Variants in KCNK10 observed in about 807,000 individuals in gnomAD.
KCNK10 encodes potassium two pore domain channel subfamily K member 10.
Under a neutral mutation model 47.7 loss-of-function variants are expected in KCNK10, and 25 were observed. The ratio of observed to expected loss-of-function variants is 0.52; its 90% CI spans 0.38 to 0.73. The LOEUF is 0.73. Among genes scored for constraint, KCNK10 ranks in the 30% least tolerant of loss-of-function variants. The pLI is 0.00. For synonymous variants in KCNK10, 303 were observed against 285.6 expected (o/e 1.06, Z -0.61); for missense variants, 563 against 714.5 (o/e 0.79, Z 2.42).
intron 4 of KCNK10, among the ~76,000 whole-genome samples, chr14:88,198,426 A>T (rs1884991864): frequency 6.6e-6 from 1 of 152,324 alleles, no homozygotes; most frequent in Admixed American, 6.5e-5. Context: ...CTCAAATTTC[A>T]GCAGCATGAT....
intron 4 of KCNK10, among the ~76,000 whole-genome samples, chr14:88,195,026 T>TAAA (rs11430813): frequency 8.1e-5 from 12 of 148,388 alleles, no homozygotes; most frequent in South Asian, 6.4e-4. Context: ...TCTAGGTATT[T>TAAA]AAAAAAAAAA....
At chr14:88,230,060 A>C (rs556721130) in intron 3 of KCNK10, among the ~76,000 whole-genome samples, 1 of 152,352 alleles carries the variant, frequency 6.6e-6, no homozygotes, top group South Asian at 2.1e-4. Flanking sequence ...AGACAAGGCT[A>C]TTAAAGTGCC....
intron 3 of KCNK10, 95 bp from the exon 4 acceptor site, chr14:88,227,630 C>T: frequency 8.4e-7 from 1 of 1,184,272 alleles, no homozygotes; most frequent in Non-Finnish European, 1.2e-6. Flanking sequence ...TACATTCCCC[C>T]ACCTTATGAG....
At chr14:88,311,167 C>A (rs1228904226) in intron 1 of KCNK10, among the ~76,000 whole-genome samples, 1 of 152,124 alleles carries the variant, frequency 6.6e-6, no homozygotes, top group Non-Finnish European at 1.5e-5. Flanking sequence ...TACAAGAATA[C>A]ACAGATACCC....
At chr14:88,236,775 T>G (rs1014877407) in intron 3 of KCNK10, among the ~76,000 whole-genome samples, 1 of 152,234 alleles carries the variant, frequency 6.6e-6, no homozygotes, top group African/African-American at 2.4e-5. Flanking sequence ...CTAAAAAATG[T>G]ATATATACTC....
rs1555360668 is a variant in KCNK10, at chr14:88,213,955, T to TTAC, written c.681+13419_681+13420insGTA. On this transcript the variant is annotated intron_variant, in intron 4 of 6. Coordinates refer to ENST00000319231, the MANE Select transcript of KCNK10 (RefSeq NM_138317.3). ...ATTATTATTATTATTATTATTATTA[T>TTAC]TGAGACAGAGTTTCACTCGTGTTGC... is the stretch of plus-strand genomic sequence containing the variant. Among the ~76,000 whole-genome samples, 434 of 144,366 alleles carry TTAC rather than the reference T, an allele frequency of 3.0e-3. 3 individuals carry two copies. The highest frequency in any genetic ancestry group is 7.3e-3 in the Middle Eastern group (2 of 274). The allele number at this position is 144,366 out of a possible 152,430, so 94.7% of individuals were successfully genotyped here.
At chr14:88,257,492 A>C (rs766478069) in intron 2 of KCNK10, among the ~76,000 whole-genome samples, 16 of 152,236 alleles carry the variant, frequency 1.1e-4, no homozygotes, top group African/African-American at 3.9e-4. Flanking sequence ...CATGCCAGCC[A>C]TTGGGATACC....
chr14:88,235,023 G>A (rs1274388347), intron 3 of KCNK10: 1 of 448,546 alleles, frequency 2.2e-6, no homozygotes, highest in African/African-American at 2.0e-5. Flanking sequence ...AGATGTCCCT[G>A]TTTTTACCAA....
intron 2 of KCNK10, 79 bp from the exon 3 acceptor site, chr14:88,240,899 C>A: frequency 1.2e-6 from 1 of 853,462 alleles, no homozygotes; most frequent in Non-Finnish European, 1.9e-6. Context: ...AAAAAGGTTC[C>A]AATACATTAT....
At chr14:88,313,853 T>C (rs1024997725) in intron 1 of KCNK10, among the ~76,000 whole-genome samples, 1 of 152,256 alleles carries the variant, frequency 6.6e-6, no homozygotes, top group African/African-American at 2.4e-5. Context: ...ATGATGACTC[T>C]CTAGGAATGA....
intron 2 of KCNK10, among the ~76,000 whole-genome samples, chr14:88,253,725 C>T (rs148818707): frequency 6.6e-6 from 1 of 152,048 alleles, no homozygotes. Flanking sequence ...CCTGGCAACA[C>T]CCTGTCTCTA....
intron 1 of KCNK10, among the ~76,000 whole-genome samples, chr14:88,306,956 T>C (rs1311323417): frequency 1.3e-5 from 2 of 152,092 alleles, no homozygotes; most frequent in South Asian, 2.1e-4. Flanking sequence ...CCCCTCAAGG[T>C]AGATGGAAAA....
chr14:88,320,467 G>T (rs1182485565), intron 1 of KCNK10, among the ~76,000 whole-genome samples: 1 of 152,094 alleles, frequency 6.6e-6, no homozygotes, highest in East Asian at 1.9e-4. Context: ...TACTCCCTCT[G>T]TTCCTTGAAG....
intron 2 of KCNK10, among the ~76,000 whole-genome samples, chr14:88,252,943 C>T (rs1169947899): frequency 2.6e-5 from 4 of 152,082 alleles, no homozygotes; most frequent in African/African-American, 7.2e-5. Flanking sequence ...TTGTCTTGAT[C>T]CAATTATGTA....
chr14:88,275,223 G>A lies in KCNK10; in HGVS notation c.53-11672C>T, dbSNP rs147362728. Among the ~76,000 whole-genome samples, 89 of 152,182 alleles carry A rather than the reference G, an allele frequency of 5.8e-4. 1 individual carries two copies. The highest frequency in any genetic ancestry group is 6.8e-3 in the Middle Eastern group (2 of 294). The stretch of plus-strand genomic sequence containing the variant: ...TACCCCATATTCTTGTGTCAAACCC[G>A]CAGTTCCTCTGAGACCCCAGCCCTC... On this transcript the variant is annotated intron_variant, in intron 1 of 6. Coordinates refer to ENST00000319231, the MANE Select transcript of KCNK10 (RefSeq NM_138317.3).
At chr14:88,307,467 G>A (rs1888228088) in intron 1 of KCNK10, among the ~76,000 whole-genome samples, 2 of 152,020 alleles carry the variant, frequency 1.3e-5, no homozygotes, top group Admixed American at 6.6e-5. Context: ...GATAAAATGG[G>A]GAGTGACTGC....
Position 88,276,341 on chromosome 14 carries a change from T to A in KCNK10, c.53-12790A>T, listed in dbSNP as rs1042478545. Among the ~76,000 whole-genome samples the A allele has an allele frequency of 1.5e-4, 22 of 151,186 alleles. 2 individuals carry two copies. Among genetic ancestry groups the A allele is most frequent in the Non-Finnish European group, 1.5e-5 (1 of 67,970 alleles). ...AGCTGTCTGTCAATCAGGTACCAGA[T>A]CCTTGCCAGACACTGAATCTGCCTT... is the stretch of plus-strand genomic sequence containing the variant. On this transcript the variant is annotated intron_variant, in intron 1 of 6. Transcript: ENST00000319231.
chr14:88,239,639 A>T (rs551555682), intron 3 of KCNK10, among the ~76,000 whole-genome samples: 1 of 152,218 alleles, frequency 6.6e-6, no homozygotes, highest in East Asian at 1.9e-4. Flanking sequence ...CGGGCAGATC[A>T]CCTGAGGTCA....
intron 4 of KCNK10, among the ~76,000 whole-genome samples, chr14:88,217,209 T>C (rs2139859156): frequency 6.6e-6 from 1 of 152,332 alleles, no homozygotes; most frequent in East Asian, 1.9e-4. Flanking sequence ...CCTACTGAGT[T>C]AGTTGTTAGG....
Sources: allele counts gnomAD v4.1 joint callset (sites outside exome capture counted in the v4.1 genomes callset), GRCh38; gene constraint gnomAD v4.1.1; transcripts MANE v1.5; gene names NCBI Gene and HGNC (gene_info 2026-07-23, HGNC 2026-07-21).